ZWILCH: variants seen among roughly 807,000 people sequenced by gnomAD.
ZWILCH encodes protein zwilch homolog.
ZWILCH carries 74 observed loss-of-function variants against 79.9 expected under a neutral mutation model. The observed-to-expected ratio is 0.93, with a 90% confidence interval of 0.77 to 1.12. The LOEUF (loss-of-function observed/expected upper bound fraction) is 1.12. Ranked by LOEUF, ZWILCH falls within the 50% of genes most tolerant of loss-of-function variation. The pLI is 0.00. For missense variants in ZWILCH, 694 were observed against 687.5 expected, an observed-to-expected ratio of 1.01 and a Z score of -0.11; for synonymous variants, 241 against 228.2, an observed-to-expected ratio of 1.06 and a Z score of -0.51.
intron 2 of ZWILCH, 185 bp from the exon 3 acceptor site, chr15:66,513,803 C>T (rs533995669): frequency 1.9e-4 from 63 of 339,546 alleles, no homozygotes; most frequent in African/African-American, 1.2e-3. Flanking sequence ...AATCTCCTGA[C>T]CTCGTGATCC....
chr15:66,523,810 G>T, intron 8 of ZWILCH, 62 bp downstream of exon 8: 2 of 1,336,168 alleles, frequency 1.5e-6, no homozygotes, highest in Non-Finnish European at 1.1e-6. Context: ...GTGTGCTATT[G>T]TTGTTTTTAC....
rs764735646 is a variant in ZWILCH at position 66,529,102 on chromosome 15, G to C, written c.1075+145G>C. The C allele has an allele frequency of 1.1e-5, 7 of 637,716 alleles. No individual in the cohort carries two copies. In the East Asian group the frequency reaches 1.9e-4, roughly 17 times the overall value. The allele number at this position is 637,716 out of a possible 1,614,324, so 39.5% of individuals were successfully genotyped here. On this transcript the variant is annotated intron_variant, in intron 11 of 18. Coordinates refer to ENST00000307897, the MANE Select transcript of ZWILCH (RefSeq NM_017975.5). ...CTAATTCATTTCTAATGACACATTG[G>C]TGCATTCTGCTTAAGAATTGTACTA...
In ZWILCH at chr15:66,528,784, T is replaced by A. The variant is rs1894762263; in HGVS notation, c.970-68T>A. The A allele has an allele frequency of 1.7e-5, 23 of 1,367,640 alleles. No homozygotes were observed. The South Asian group carries it at 2.2e-4, about 13-fold the overall frequency. The allele number at this position is 1,367,640 out of a possible 1,614,324, so 84.7% of individuals were successfully genotyped here. A position where few individuals can be genotyped will look rare whatever the true frequency, so the allele number is the denominator to read the frequency against. On this transcript the variant is annotated intron_variant, in intron 10 of 18. Coordinates refer to ENST00000307897, the MANE Select transcript of ZWILCH (RefSeq NM_017975.5). ...GAATCCATAATTTCTCAGAGCAGCATTTGAAGGCTTAAATTATTTCACTTA... is the reference window on the plus strand; with the variant it reads ...GAATCCATAATTTCTCAGAGCAGCAATTGAAGGCTTAAATTATTTCACTTA...
At chr15:66,515,384 C>T in intron 3 of ZWILCH, 142 bp from the exon 4 acceptor site, 1 of 605,694 alleles carries the variant, frequency 1.7e-6, no homozygotes, top group Non-Finnish European at 2.8e-6. Flanking sequence ...GCTATTCTTG[C>T]CAAAACCCAA....
At chr15:66,519,578 G>A (rs1449805318) in intron 5 of ZWILCH, among the ~76,000 whole-genome samples, 4 of 151,874 alleles carry the variant, frequency 2.6e-5, no homozygotes, top group Non-Finnish European at 2.9e-5. Flanking sequence ...CTCAGCTTCC[G>A]GAGTAGCTGG....
chr15:66,537,545 G>T (rs1895054270), intron 16 of ZWILCH, among the ~76,000 whole-genome samples: 1 of 152,054 alleles, frequency 6.6e-6, no homozygotes, highest in Non-Finnish European at 1.5e-5. Flanking sequence ...ACAAAAATTA[G>T]CTGGGCATGG....
chr15:66,512,485 C>G (rs898396751), intron 2 of ZWILCH, among the ~76,000 whole-genome samples: 1 of 151,916 alleles, frequency 6.6e-6, no homozygotes, highest in African/African-American at 2.4e-5. Flanking sequence ...TTCCTGGCCT[C>G]AAACCATCCT....
At chr15:66,535,865 C>T in intron 14 of ZWILCH, 68 bp from the exon 15 acceptor site, 5 of 1,414,442 alleles carry the variant, frequency 3.5e-6, no homozygotes, top group Non-Finnish European at 4.7e-6. Context: ...AGAAGGCATA[C>T]CTATATTCTT....
intron 1 of ZWILCH, among the ~76,000 whole-genome samples, chr15:66,507,843 G>A (rs951593872): frequency 2.6e-5 from 4 of 151,240 alleles, no homozygotes; most frequent in Admixed American, 1.3e-4. Flanking sequence ...TGAGGCAGGA[G>A]AATGGCGTGA....
intron 10 of ZWILCH, 117 bp from the exon 11 acceptor site, chr15:66,528,735 G>T: frequency 8.1e-6 from 6 of 740,874 alleles, no homozygotes; most frequent in Admixed American, 2.7e-5. Context: ...TAGAAAATTC[G>T]TTCATATCTT....
chr15:66,528,818 A>AT (rs769507892), intron 10 of ZWILCH, 34 bp from the exon 11 acceptor site: 110 of 1,575,330 alleles, frequency 7.0e-5, no homozygotes, highest in Non-Finnish European at 9.1e-5. Context: ...TAAAAAAAAA[A>AT]CTGAGTATTC....
chr15:66,534,624 A>T (rs1410038449), intron 14 of ZWILCH, among the ~76,000 whole-genome samples: 1 of 152,238 alleles, frequency 6.6e-6, no homozygotes, highest in African/African-American at 2.4e-5. Context: ...TAATTGTAAC[A>T]TAATGGTATT....
Position 66,521,048 on chromosome 15 carries a change from A to G in ZWILCH, c.592-2A>G, listed in dbSNP as rs1445099544. 6.2e-7 allele frequency: 1 copy of G among 1,614,000 alleles called. No homozygotes were observed. The highest frequency in any genetic ancestry group is 1.7e-5 in the Admixed American group (1 of 59,998). On this transcript the variant is annotated splice_acceptor_variant, in intron 6 of 18. Transcript: ENST00000307897. LOFTEE classifies it high-confidence loss of function. ...ATGATCTGCTGGGTACACTCTTTTCAGGTAACATCCAAAGGCTTTGCCCAG... is the reference window on the plus strand; with the variant it reads ...ATGATCTGCTGGGTACACTCTTTTCGGGTAACATCCAAAGGCTTTGCCCAG...
At chr15:66,512,668 C>G (rs1211131346) in intron 2 of ZWILCH, among the ~76,000 whole-genome samples, 1 of 152,188 alleles carries the variant, frequency 6.6e-6, no homozygotes, top group African/African-American at 2.4e-5. Flanking sequence ...AGTGCAGTGG[C>G]ATGATATCGG....
intron 14 of ZWILCH, among the ~76,000 whole-genome samples, chr15:66,533,735 C>T (rs1002640189): frequency 1.4e-5 from 2 of 147,790 alleles, no homozygotes; most frequent in African/African-American, 5.4e-5. Context: ...CACGCGCACA[C>T]ACACACACAC....
At chr15:66,532,120 G>GT (rs1170993320) in intron 12 of ZWILCH, 127 bp from the exon 13 acceptor site, 2 of 674,700 alleles carry the variant, frequency 3.0e-6, no homozygotes, top group Non-Finnish European at 4.7e-6. Context: ...ACAATTTATA[G>GT]TGTTAGGAGA....
chr15:66,521,258 C>T, intron 7 of ZWILCH, 53 bp downstream of exon 7: 2 of 1,587,558 alleles, frequency 1.3e-6, no homozygotes, highest in East Asian at 4.5e-5. Flanking sequence ...TAAATGTTGG[C>T]TTACTTGGTT....
Position 66,549,976 on chromosome 15 carries a change from GA to G in ZWILCH, c.*1656del. The G allele has an allele frequency of 9.2e-7, 1 of 1,091,998 alleles. No individual in the cohort carries two copies. The highest frequency in any genetic ancestry group is 1.3e-6 in the Non-Finnish European group (1 of 780,716). 67.6% of individuals were successfully genotyped at this position (1,091,998 alleles called of 1,614,324 possible). On this transcript the variant is annotated 3_prime_UTR_variant, in exon 19 of 19. Coordinates refer to ENST00000307897, the MANE Select transcript of ZWILCH (RefSeq NM_017975.5). The stretch of plus-strand genomic sequence containing the variant: ...AAGTAGAGCCACATTTTGAGATTTT[GA>G]AAATGATATGTATAATTATTTAGTT...
At chr15:66,533,713 TAC>T (rs10545359) in intron 14 of ZWILCH, among the ~76,000 whole-genome samples, 37,585 of 151,336 alleles carry the variant, frequency 0.25, 4,686 homozygotes, top group East Asian at 0.37. Context: ...TAGCAAAAAC[TAC>T]ACACACACAC....
Sources: gnomAD v4.1 joint callset for allele counts (sites outside exome capture counted in the v4.1 genomes callset) on GRCh38, gnomAD v4.1.1 for gene constraint, MANE v1.5 for transcripts, NCBI Gene and HGNC (gene_info 2026-07-23, HGNC 2026-07-21) for gene names.